Variants in MTF2 observed in about 807,000 individuals in gnomAD.
MTF2 encodes the protein metal response element binding transcription factor 2.
In MTF2, 11 loss-of-function variants were observed where a neutral mutation model predicts 79.5. That is an observed-to-expected ratio of 0.14 (90% CI 0.09 to 0.23). The LOEUF (loss-of-function observed/expected upper bound fraction) is 0.23, where lower values mean the gene tolerates loss of function less well. Ranked by LOEUF, MTF2 falls within the 10% of genes least tolerant of loss-of-function variation. The probability of loss-of-function intolerance (pLI) is 1.00; values close to 1 mark genes in which losing one functional copy is unlikely to be tolerated. For missense variants in MTF2, 486 were observed against 711.2 expected, an observed-to-expected ratio of 0.68 and a Z score of 3.60; for synonymous variants, 208 against 232.8, an observed-to-expected ratio of 0.89 and a Z score of 0.97.
chr1:93,081,866 C>G (rs1208457889), intron 1 of MTF2, among the ~76,000 whole-genome samples: 1 of 152,130 alleles, frequency 6.6e-6, no homozygotes, highest in Admixed American at 6.5e-5. Flanking sequence ...TTGGACAGCA[C>G]AGTAGTAGGG....
chr1:93,096,222 A>G (rs940385695), intron 1 of MTF2, among the ~76,000 whole-genome samples: 5 of 152,008 alleles, frequency 3.3e-5, no homozygotes, highest in African/African-American at 1.2e-4. Context: ...GTGTGTTTTA[A>G]TTTTTTCTTT....
chr1:93,127,883 T>C (rs1164222917), intron 10 of MTF2, among the ~76,000 whole-genome samples: 1 of 152,120 alleles, frequency 6.6e-6, no homozygotes, highest in Non-Finnish European at 1.5e-5. Flanking sequence ...ACAATGTATC[T>C]ACATTTCTTA....
intron 1 of MTF2, among the ~76,000 whole-genome samples, chr1:93,105,112 C>A (rs1271474364): frequency 7.3e-6 from 1 of 136,414 alleles, no homozygotes; most frequent in Non-Finnish European, 1.5e-5. Context: ...CCACTGCACT[C>A]CAGCCTGGGT....
chr1:93,104,370 G>T (rs1344853435), intron 1 of MTF2, among the ~76,000 whole-genome samples: 1 of 152,060 alleles, frequency 6.6e-6, no homozygotes, highest in African/African-American at 2.4e-5. Flanking sequence ...CAGATGATTT[G>T]TGCTTAGAGA....
At position 93,136,954 on chromosome 1, in the gene MTF2, T is replaced by C; in HGVS notation, c.1709T>C (p.Val570Ala). The C allele has an allele frequency of 6.2e-7, 1 of 1,613,904 alleles. No homozygotes were observed. Among genetic ancestry groups the C allele is most frequent in the South Asian group, 1.1e-5 (1 of 91,064 alleles). Reference sequence around the variant, plus strand: ...ATAGCATGTGGCGAAAAATACCGAGTTTTGGCACGTCGGGTGACACTTGAT... The same window carrying C: ...ATAGCATGTGGCGAAAAATACCGAGCTTTGGCACGTCGGGTGACACTTGAT... ...GRIACGEKYR[V>A]LARRVTLDGK... Residue 570 changes from valine (V) to alanine (A), a missense_variant, in exon 15 of 15, where the codon GTT becomes GCT. Around this residue, in one of 4 missense-constraint regions of MTF2, gnomAD observed 25 missense variants for 56.8 expected, o/e 0.44. Coordinates refer to ENST00000370298, the MANE Select transcript of MTF2 (RefSeq NM_007358.4).
At chr1:93,097,710 G>A (rs571244720) in intron 1 of MTF2, among the ~76,000 whole-genome samples, 49 of 152,220 alleles carry the variant, frequency 3.2e-4, no homozygotes, top group African/African-American at 1.1e-3. Context: ...CAGTTCTCGC[G>A]CCTCAGCCTC....
intron 1 of MTF2, among the ~76,000 whole-genome samples, chr1:93,079,906 T>C (rs916664280): frequency 6.7e-6 from 1 of 149,982 alleles, no homozygotes; most frequent in Non-Finnish European, 1.5e-5. Flanking sequence ...GGAGGAGCCG[T>C]TGGGAAATGG....
At chr1:93,130,405 C>T (rs1301934490) in intron 11 of MTF2, among the ~76,000 whole-genome samples, 1 of 152,042 alleles carries the variant, frequency 6.6e-6, no homozygotes, top group African/African-American at 2.4e-5. Context: ...TGGTGAAGCC[C>T]ATCTCTACTA....
chr1:93,123,210 CTT>C (rs749700655), intron 9 of MTF2, among the ~76,000 whole-genome samples: 54 of 94,194 alleles, frequency 5.7e-4, no homozygotes, highest in African/African-American at 1.6e-3. Context: ...TCAGCTCTTT[CTT>C]TTTTTTTTTT....
At chr1:93,097,842 C>T (rs1241413769) in intron 1 of MTF2, among the ~76,000 whole-genome samples, 1 of 152,176 alleles carries the variant, frequency 6.6e-6, no homozygotes, top group East Asian at 1.9e-4. Flanking sequence ...AAATGATCTG[C>T]CCGCCTCAGC....
chr1:93,114,902 A>G (rs747657042), intron 4 of MTF2, 86 bp from the exon 5 acceptor site: 450 of 1,229,848 alleles, frequency 3.7e-4, no homozygotes, highest in Non-Finnish European at 4.9e-4. Flanking sequence ...ATATTAATGT[A>G]GGAAATAATG....
intron 9 of MTF2, 106 bp downstream of exon 9, chr1:93,120,778 T>C (rs1571244684): frequency 1.5e-5 from 22 of 1,504,540 alleles, no homozygotes; most frequent in Non-Finnish European, 1.8e-5. Context: ...ACAACTAAAA[T>C]AGAATTTTAT....
At position 93,115,063 on chromosome 1, in the gene MTF2, A is replaced by C. The variant is rs1656194206; in HGVS notation, c.458A>C (p.Gln153Pro). The C allele has an allele frequency of 6.2e-7, 1 of 1,610,386 alleles. No individual in the cohort carries two copies. The highest frequency in any genetic ancestry group is 8.5e-7 in the Non-Finnish European group (1 of 1,177,168). Residue 153 changes from glutamine to proline, a missense_variant, in exon 5 of 15, where the codon CAG (glutamine) becomes CCG (proline). Gln to Pro is a moderately conservative substitution (Grantham distance 76, BLOSUM62 -1). This residue lies in a region of MTF2 where 177 missense variants were observed against 364.0 expected (regional missense o/e 0.49). Coordinates refer to ENST00000370298, the MANE Select transcript of MTF2 (RefSeq NM_007358.4). ...TCAGATGAAAAATGGCTCTGTCGGC[A>C]GTGTGTTTTTGCAACAACAACAAAG... is the stretch of plus-strand genomic sequence containing the variant. Reference protein sequence around the residue: ...IDSDEKWLCRQCVFATTTKRG... With the variant: ...IDSDEKWLCRPCVFATTTKRG...
Position 93,115,630 on chromosome 1 carries a change from C to G in MTF2, c.632+12C>G. On this transcript the variant is annotated intron_variant, in intron 6 of 14. Transcript: ENST00000370298. Reference sequence around the variant, plus strand: ...GGAGGCCCTGGAGAGTAAGTAAATACAGTTATGTAATTCCCTTTAAGTAAT... The same window carrying G: ...GGAGGCCCTGGAGAGTAAGTAAATAGAGTTATGTAATTCCCTTTAAGTAAT... The G allele has an allele frequency of 6.5e-7, 1 of 1,534,570 alleles. No individual in the cohort carries two copies. The highest frequency in any genetic ancestry group is 8.8e-7 in the Non-Finnish European group (1 of 1,140,094).
intron 1 of MTF2, among the ~76,000 whole-genome samples, chr1:93,106,087 G>T (rs1459745445): frequency 6.6e-6 from 1 of 152,144 alleles, no homozygotes; most frequent in Non-Finnish European, 1.5e-5. Context: ...TGGGAAGGGG[G>T]CATAAGGAAT....
intron 1 of MTF2, among the ~76,000 whole-genome samples, chr1:93,080,180 G>A (rs1236503754): frequency 6.6e-6 from 1 of 152,152 alleles, no homozygotes; most frequent in South Asian, 2.1e-4. Context: ...CCAAAAATAT[G>A]AGGCTTTTCT....
chr1:93,131,503 G>A (rs1177879000), intron 11 of MTF2, among the ~76,000 whole-genome samples: 1 of 152,070 alleles, frequency 6.6e-6, no homozygotes, highest in Non-Finnish European at 1.5e-5. Context: ...AGGGACACAG[G>A]CAGATTCAAA....
At chr1:93,101,302 T>C (rs886941942) in intron 1 of MTF2, among the ~76,000 whole-genome samples, 1 of 151,710 alleles carries the variant, frequency 6.6e-6, no homozygotes, top group Non-Finnish European at 1.5e-5. Flanking sequence ...GTAGTGACTA[T>C]GAGCCCTCTC....
chr1:93,093,943 A>ATTTT (rs1557543457), intron 1 of MTF2, among the ~76,000 whole-genome samples: 1 of 152,024 alleles, frequency 6.6e-6, no homozygotes, highest in African/African-American at 2.4e-5. Flanking sequence ...CCCAGAATTT[A>ATTTT]TTTTTCACTC....
Sources: allele counts gnomAD v4.1 joint callset (sites outside exome capture counted in the v4.1 genomes callset), GRCh38; gene constraint gnomAD v4.1.1; regional missense constraint gnomAD v4.1.1; transcripts MANE v1.5; gene names NCBI Gene and HGNC (gene_info 2026-07-23, HGNC 2026-07-21).